Variants in NSUN2 observed in about 807,000 individuals in gnomAD.
NSUN2 encodes the protein NOP2/Sun RNA methyltransferase 2.
Under a neutral mutation model 92.7 loss-of-function variants are expected in NSUN2, and 63 were observed. The ratio of observed to expected loss-of-function variants is 0.68; its 90% CI spans 0.56 to 0.84. NSUN2 has a LOEUF of 0.84. Ranked by LOEUF, NSUN2 falls within the 40% of genes least tolerant of loss-of-function variation. NSUN2 has a pLI of 0.00. For synonymous variants in NSUN2, 356 were observed against 348.3 expected (o/e 1.02, Z -0.25); for missense variants, 989 against 964.9 (o/e 1.02, Z -0.33).
rs544095755 is a variant in NSUN2, at chr5:6,604,727, C to T, written c.1738-42G>A. 2.2e-4 allele frequency: 338 copies of T among 1,504,678 alleles called. 8 individuals carry two copies. The South Asian group carries it at 3.8e-3, about 17-fold the overall frequency. 93.2% of individuals were successfully genotyped at this position (1,504,678 alleles called of 1,614,324 possible). On this transcript the variant is annotated intron_variant, in intron 15 of 18. Coordinates refer to ENST00000264670, the MANE Select transcript of NSUN2 (RefSeq NM_017755.6). Reference sequence around the variant, plus strand: ...AAGATGAAACACAGAGAGATGAAGACAGGACCATCTCCTGTAAGGATGCCG... The same window carrying T: ...AAGATGAAACACAGAGAGATGAAGATAGGACCATCTCCTGTAAGGATGCCG...
rs1736726298 is a variant in NSUN2, at chr5:6,605,385, G to T, written c.1625C>A (p.Ser542Ter). 6.2e-7 allele frequency: 1 copy of T among 1,614,012 alleles called. No homozygotes were observed. Among genetic ancestry groups the T allele is most frequent in the Non-Finnish European group, 8.5e-7 (1 of 1,179,984 alleles). Residue 542 changes from serine (S) to a stop codon, truncating the protein, a stop_gained, in exon 15 of 19, where the codon TCA (serine) becomes TAA (stop). Transcript: ENST00000264670. LOFTEE classifies it high-confidence loss of function. ...PIEKFYALDP[S>*]FPRMNLLTRT... ...AGTTAACAAATTCATCCTTGGGAATGAAGGATCCAAAGCATAAAATTTCCT... is the reference window on the plus strand; with the variant it reads ...AGTTAACAAATTCATCCTTGGGAATTAAGGATCCAAAGCATAAAATTTCCT...
Position 6,632,709 on chromosome 5 carries a change from G to A in NSUN2, c.144C>T (p.Phe48=). 2.5e-6 allele frequency: 4 copies of A among 1,614,002 alleles called. No individual in the cohort carries two copies. Among genetic ancestry groups the A allele is most frequent in the South Asian group, 1.1e-5 (1 of 91,070 alleles). The change falls in exon 2 of 19, where the codon TTC becomes TTT. Residue 48 remains phenylalanine (F), a synonymous_variant. Transcript: ENST00000264670. The part of the protein sequence containing the change: ...YPEIVKENKL[F]EHYYQELKIV... ...TCTTGAGCTCCTGGTAGTAGTGCTC[G>A]AACAGCTTGTTCTCCTTGACGATCT... is the stretch of plus-strand genomic sequence containing the variant.
chr5:6,615,252 A>G (rs1419844171), intron 9 of NSUN2, among the ~76,000 whole-genome samples: 1 of 152,168 alleles, frequency 6.6e-6, no homozygotes, highest in Non-Finnish European at 1.5e-5. Flanking sequence ...AATGCAGTCC[A>G]TTTTCTTTCT....
At chr5:6,604,358 C>A in intron 16 of NSUN2, 82 bp from the exon 17 acceptor site, 1 of 1,304,270 alleles carries the variant, frequency 7.7e-7, no homozygotes, top group South Asian at 1.4e-5. Flanking sequence ...GGGCTATGCT[C>A]TTAGCGGCTA....
rs201954752 is a variant in NSUN2 at position 6,601,333 on chromosome 5, CA to C, written c.1998-1102del. Among the ~76,000 whole-genome samples, 720 of 142,822 alleles carry C rather than the reference CA, an allele frequency of 5.0e-3. 13 individuals carry two copies. The highest frequency in any genetic ancestry group is 0.036 in the Admixed American group (507 of 14,222). 93.7% of individuals were successfully genotyped at this position (142,822 alleles called of 152,430 possible). A position where few individuals can be genotyped will look rare whatever the true frequency, so the allele number is the denominator to read the frequency against. ...TAAAAACCATTTCTGAGTCTTTGTT[CA>C]AACTCTCGTTAAAAACACCCAGAAG... On this transcript the variant is annotated intron_variant, in intron 18 of 18. Coordinates refer to ENST00000264670, the MANE Select transcript of NSUN2 (RefSeq NM_017755.6).
chr5:6,621,076 G>A (rs901657021), intron 6 of NSUN2: 2 of 152,202 alleles, frequency 1.3e-5, no homozygotes, highest in East Asian at 3.8e-4. Flanking sequence ...AACAGAACTA[G>A]AGAAGTTTGC....
intron 12 of NSUN2, among the ~76,000 whole-genome samples, chr5:6,607,620 G>C (rs1347357105): frequency 6.6e-6 from 1 of 152,192 alleles, no homozygotes; most frequent in African/African-American, 2.4e-5. Flanking sequence ...ATCCCACAAA[G>C]AGCATATACA....
At position 6,616,876 on chromosome 5, in the gene NSUN2, T is replaced by C. The variant is rs1416083059; in HGVS notation, c.891-19A>G. On this transcript the variant is annotated intron_variant, in intron 8 of 18. Coordinates refer to ENST00000264670, the MANE Select transcript of NSUN2 (RefSeq NM_017755.6). Reference sequence around the variant, plus strand: ...CTGTAAGCTAAGGGGAGATATCAGATGACTGCAAGGCCAAATGTATCCATG... The same window carrying C: ...CTGTAAGCTAAGGGGAGATATCAGACGACTGCAAGGCCAAATGTATCCATG... The C allele has an allele frequency of 3.7e-6, 6 of 1,609,484 alleles. No homozygotes were observed. Among genetic ancestry groups the C allele is most frequent in the Non-Finnish European group, 4.2e-6 (5 of 1,177,672 alleles).
intron 13 of NSUN2, 118 bp from the exon 14 acceptor site, chr5:6,607,030 G>A: frequency 1.0e-6 from 1 of 966,628 alleles, no homozygotes; most frequent in Non-Finnish European, 1.6e-6. Flanking sequence ...TGCGGCAGAT[G>A]TTGAAACCTT....
intron 4 of NSUN2, among the ~76,000 whole-genome samples, chr5:6,623,825 A>G: frequency 6.7e-6 from 1 of 149,892 alleles, no homozygotes; most frequent in East Asian, 1.9e-4. Context: ...TAGACCTTCA[A>G]TATCTAAAAT....
chr5:6,609,805 T>C lies in NSUN2; in HGVS notation c.1323+21A>G, dbSNP rs774954347. Reference sequence around the variant, plus strand: ...TGTACAAGATCAAATGTTATGTCATTTTGGAAAAAGAAAAACTCACCTTTG... The same window carrying C: ...TGTACAAGATCAAATGTTATGTCATCTTGGAAAAAGAAAAACTCACCTTTG... On this transcript the variant is annotated intron_variant, in intron 12 of 18. Transcript: ENST00000264670. The C allele has an allele frequency of 5.7e-6, 9 of 1,585,006 alleles. No individual in the cohort carries two copies. In the Admixed American group the frequency reaches 8.5e-5, roughly 15 times the overall value.
intron 18 of NSUN2, among the ~76,000 whole-genome samples, chr5:6,600,872 A>G (rs1736524951): frequency 6.6e-6 from 1 of 152,204 alleles, no homozygotes; most frequent in Non-Finnish European, 1.5e-5. Flanking sequence ...ACCCACAGTC[A>G]AAAACATCCC....
Position 6,611,740 on chromosome 5 carries a change from T to G in NSUN2, c.1080A>C (p.Gly360=), listed in dbSNP as rs751876573. The G allele has an allele frequency of 6.2e-7, 1 of 1,614,142 alleles. No homozygotes were observed. Among genetic ancestry groups the G allele is most frequent in the East Asian group, 2.2e-5 (1 of 44,886 alleles). Residue 360 remains glycine (G), a synonymous_variant, in exon 10 of 19, where the codon GGA becomes GGC. Transcript: ENST00000264670. The part of the protein sequence containing the change: ...NELPGLKWMP[G]ITQWKVMTKD... Reference sequence around the variant, plus strand: ...GAAAGGTTACCTTCCACTGTGTGATTCCAGGCATCCACTTCAGCCCTGGCA... The same window carrying G: ...GAAAGGTTACCTTCCACTGTGTGATGCCAGGCATCCACTTCAGCCCTGGCA...
At chr5:6,607,561 A>C (rs925894511) in intron 12 of NSUN2, among the ~76,000 whole-genome samples, 177 bp from the exon 13 acceptor site, 4 of 152,206 alleles carry the variant, frequency 2.6e-5, no homozygotes, top group African/African-American at 9.7e-5. Context: ...TGCTATTATA[A>C]ACAAAATTCA....
intron 14 of NSUN2, among the ~76,000 whole-genome samples, chr5:6,606,338 C>G (rs577606559): frequency 1.3e-5 from 2 of 152,208 alleles, no homozygotes; most frequent in Non-Finnish European, 2.9e-5. Context: ...GGCTGGAGTG[C>G]AGCGGCGCGA....
At chr5:6,606,772 C>A in intron 14 of NSUN2, 48 bp downstream of exon 14, 1 of 1,028,438 alleles carries the variant, frequency 9.7e-7, no homozygotes, top group South Asian at 1.4e-5. Context: ...ATTTGATACT[C>A]TATAGTAAAT....
chr5:6,623,044 GAAAAAAAAAAAAA>G (rs111573762), intron 5 of NSUN2, among the ~76,000 whole-genome samples, 157 bp downstream of exon 5: 6 of 72,982 alleles, frequency 8.2e-5, no homozygotes. Context: ...GGACAAAAAA[GAAAAAAAAAAAAA>G]AAAGAAACTA....
chr5:6,631,672 CAT>C (rs1373123228), intron 3 of NSUN2, among the ~76,000 whole-genome samples, 199 bp downstream of exon 3: 1 of 152,180 alleles, frequency 6.6e-6, no homozygotes, highest in African/African-American at 2.4e-5. Context: ...ATCAGTGACT[CAT>C]AAAGCTGCAA....
intron 3 of NSUN2, among the ~76,000 whole-genome samples, chr5:6,626,961 T>C (rs1282217867): frequency 2.0e-5 from 3 of 152,172 alleles, no homozygotes; most frequent in African/African-American, 7.2e-5. Context: ...GATTTTTTGA[T>C]GGAAACAAAC....
Sources: allele counts gnomAD v4.1 joint callset (sites outside exome capture counted in the v4.1 genomes callset), GRCh38; gene constraint gnomAD v4.1.1; transcripts MANE v1.5; gene names NCBI Gene and HGNC (gene_info 2026-07-23, HGNC 2026-07-21).